The following WHRN variants were observed in gnomAD, a reference collection of about 807,000 sequenced individuals.
The protein encoded by WHRN is CASK-interacting protein CIP98.
In WHRN, 41 loss-of-function variants were observed where a neutral mutation model predicts 68.3. The observed-to-expected ratio is 0.60, with a 90% CI of 0.47 to 0.78. The LOEUF (loss-of-function observed/expected upper bound fraction) is 0.78, where lower values mean the gene tolerates loss of function less well. WHRN is among the 30% of genes least tolerant of loss of function. The probability of loss-of-function intolerance (pLI) is 0.00; values close to 1 mark genes in which losing one functional copy is unlikely to be tolerated. For synonymous variants in WHRN, 560 were observed against 561.3 expected (o/e 1.00, Z 0.03); for missense variants, 1,243 against 1,244.7 (o/e 1.00, Z 0.02).
At position 114,504,765 on chromosome 9, in the gene WHRN, A is replaced by C. The variant is rs1009736162; in HGVS notation, c.37T>G (p.Ser13Ala). Residue 13 changes from serine (S) to alanine (A), a missense_variant, in exon 1 of 12, where the codon TCC becomes GCC. Coordinates refer to ENST00000362057, the MANE Select transcript of WHRN (RefSeq NM_015404.4). ...APLDGLSVSS[S>A]STGSLGSAAG... is the part of the protein sequence containing the mutation. ...GCCGAGCCCAGCGAGCCGGTGGAGG[A>C]CGAGCTCACCGACAGGCCGTCCAGC... The C allele has an allele frequency of 2.0e-6, 3 of 1,501,300 alleles. No homozygotes were observed. Among genetic ancestry groups the C allele is most frequent in the Non-Finnish European group, 1.8e-6 (2 of 1,135,648 alleles). The allele number at this position is 1,501,300 out of a possible 1,614,324, so 93.0% of individuals were successfully genotyped here. A position where few individuals can be genotyped will look rare whatever the true frequency, so the allele number is the denominator to read the frequency against.
At chr9:114,457,148 G>A (rs1839878896) in intron 3 of WHRN, among the ~76,000 whole-genome samples, 1 of 152,068 alleles carries the variant, frequency 6.6e-6, no homozygotes, top group Admixed American at 6.5e-5. Flanking sequence ...CTGTAGGCTG[G>A]GACACCCCAA....
At position 114,478,582 on chromosome 9, in the gene WHRN, G is replaced by A; in HGVS notation, c.808C>T (p.His270Tyr). 1 of 1,614,090 alleles carries A rather than the reference G, an allele frequency of 6.2e-7. No individual in the cohort carries two copies. Among genetic ancestry groups the A allele is most frequent in the Non-Finnish European group, 8.5e-7 (1 of 1,179,956 alleles). Reference protein sequence around the residue: ...QQEGDRRSTLHLLQGGDEKKV... With the variant: ...QQEGDRRSTLYLLQGGDEKKV... ...TTCTCATCCCCTCCTTGCAGGAGGTGCAGGGTGCTCCTCCGGTCACCCTCC... is the reference window on the plus strand; with the variant it reads ...TTCTCATCCCCTCCTTGCAGGAGGTACAGGGTGCTCCTCCGGTCACCCTCC... Residue 270 changes from histidine (H) to tyrosine (Y), a missense_variant, in exon 2 of 12, where the codon CAC becomes TAC. By Grantham distance (83) the His-to-Tyr change is moderately conservative. Coordinates refer to ENST00000362057, the MANE Select transcript of WHRN (RefSeq NM_015404.4).
intron 9 of WHRN, 116 bp downstream of exon 9, chr9:114,406,239 G>C: frequency 6.9e-7 from 1 of 1,446,242 alleles, no homozygotes; most frequent in Non-Finnish European, 9.6e-7. Context: ...CGCCACTCTG[G>C]CCCTGAGCCC....
In WHRN at chr9:114,426,213, T is replaced by G. The variant is rs1181065976; in HGVS notation, c.1164A>C (p.Ala388=). 2 of 1,612,212 alleles carry G rather than the reference T, an allele frequency of 1.2e-6. No homozygotes were observed. The highest frequency in any genetic ancestry group is 1.7e-6 in the Non-Finnish European group (2 of 1,180,014). ...TGGAGCGAGCAGAGTGGCCAGACCCTGCCGAGTTCGCCATGGTCTCCCTGA... is the reference window on the plus strand; with the variant it reads ...TGGAGCGAGCAGAGTGGCCAGACCCGGCCGAGTTCGCCATGGTCTCCCTGA... ...SRIRETMANS[A]GFLGDLTTEG... The change falls in exon 4 of 12, where the codon GCA becomes GCC. Residue 388 remains alanine (A), a splice_region_variant and synonymous_variant. Coordinates refer to ENST00000362057, the MANE Select transcript of WHRN (RefSeq NM_015404.4).
chr9:114,444,038 G>A lies in WHRN; in HGVS notation c.964-17625C>T, dbSNP rs147624462. Among the ~76,000 whole-genome samples the A allele has an allele frequency of 3.6e-3, 552 of 152,232 alleles. 1 individual carries two copies. The highest frequency in any genetic ancestry group is 0.013 in the African/African-American group (529 of 41,518). On this transcript the variant is annotated intron_variant, in intron 3 of 11. Transcript: ENST00000362057. ...AGTATGGGGTTTCCCCCCACCACCC[G>A]GTTCAATTATCTCCCACTGGGTCCC...
At chr9:114,460,235 G>A (rs556229675) in intron 3 of WHRN, among the ~76,000 whole-genome samples, 84 of 152,296 alleles carry the variant, frequency 5.5e-4, no homozygotes, top group Non-Finnish European at 9.3e-4. Flanking sequence ...AGAGCAAAGC[G>A]TATGACCTTT....
At position 114,478,672 on chromosome 9, in the gene WHRN, G is replaced by A; in HGVS notation, c.718C>T (p.Gln240Ter). Residue 240 changes from glutamine (Q) to a stop codon, truncating the protein, a stop_gained, in exon 2 of 12, where the codon CAG becomes TAG. Coordinates refer to ENST00000362057, the MANE Select transcript of WHRN (RefSeq NM_015404.4). LOFTEE classifies it high-confidence loss of function. Reference sequence around the variant, plus strand: ...GAGGGTGGGGAGATGCTGCGGCCCTGCGGGTCCACCCAGGTGTAGATGTGG... The same window carrying A: ...GAGGGTGGGGAGATGCTGCGGCCCTACGGGTCCACCCAGGTGTAGATGTGG... ...TNHIYTWVDP[Q>*]GRSISPPSGL... The A allele has an allele frequency of 2.5e-6, 4 of 1,613,292 alleles. No homozygotes were observed. Among genetic ancestry groups the A allele is most frequent in the Non-Finnish European group, 3.4e-6 (4 of 1,179,980 alleles).
intron 3 of WHRN, among the ~76,000 whole-genome samples, chr9:114,433,045 C>T (rs904649927): frequency 2.6e-5 from 4 of 152,168 alleles, no homozygotes; most frequent in African/African-American, 7.2e-5. Flanking sequence ...AAGCCGAGGA[C>T]GGGAAGTAGA....
At position 114,406,454 on chromosome 9, in the gene WHRN, C is replaced by G. The variant is rs1835033682; in HGVS notation, c.2137G>C (p.Asp713His). Residue 713 changes from aspartate to histidine, a missense_variant, in exon 9 of 12, where the codon GAC becomes CAC. Asp to His is a moderately conservative substitution (Grantham distance 81, BLOSUM62 -1). Coordinates refer to ENST00000362057, the MANE Select transcript of WHRN (RefSeq NM_015404.4). ...LLPPSPSGHP[D>H]QTGTNQHFVM... is the part of the protein sequence containing the mutation. ...AAGTGCTGGTTTGTGCCTGTCTGGT[C>G]TGGGTGGCCAGAGGGTGATGGGGGC... The G allele has an allele frequency of 6.2e-7, 1 of 1,614,054 alleles. No individual in the cohort carries two copies. Among genetic ancestry groups the G allele is most frequent in the African/African-American group, 1.3e-5 (1 of 74,942 alleles).
chr9:114,486,941 T>TG lies in WHRN; in HGVS notation c.619-8171_619-8170insC, dbSNP rs1564217466. Among the ~76,000 whole-genome samples the TG allele has an allele frequency of 3.9e-3, 21 of 5,426 alleles. 2 individuals are homozygous for TG. Among genetic ancestry groups the TG allele is most frequent in the East Asian group, 0.028 (1 of 36 alleles). 3.6% of individuals were successfully genotyped at this position (5,426 alleles called of 152,430 possible). On this transcript the variant is annotated intron_variant, in intron 1 of 11. Transcript: ENST00000362057. ...TGTGTGTGTAGAGTGTGTGTGTGTG[T>TG]TGTGTGTGTGTGTGTGTGTATATAT...
chr9:114,433,556 A>G (rs1016990319), intron 3 of WHRN, among the ~76,000 whole-genome samples: 4 of 152,244 alleles, frequency 2.6e-5, no homozygotes, highest in Admixed American at 6.5e-5. Context: ...TGAATCTTTA[A>G]TAGTTTTCCA....
intron 1 of WHRN, among the ~76,000 whole-genome samples, chr9:114,494,538 A>C (rs1280243397): frequency 6.6e-6 from 1 of 152,226 alleles, no homozygotes; most frequent in African/African-American, 2.4e-5. Context: ...AAAGTGGCAG[A>C]GCCAGTCTTG....
intron 7 of WHRN, among the ~76,000 whole-genome samples, chr9:114,409,248 G>A (rs1475979598): frequency 6.6e-6 from 1 of 152,206 alleles, no homozygotes; most frequent in Non-Finnish European, 1.5e-5. Context: ...CACAGAGGTG[G>A]GACACCAACC....
chr9:114,489,520 A>ACACACACACGCACACACACGCGTG (rs1842811964), intron 1 of WHRN, among the ~76,000 whole-genome samples: 1 of 7,146 alleles, frequency 1.4e-4, no homozygotes, highest in Admixed American at 0.014. Context: ...ACGCGTGCAC[A>ACACACACACGCACACACACGCGTG]CACACACACA....
At chr9:114,470,921 G>A (rs141996549) in intron 2 of WHRN, among the ~76,000 whole-genome samples, 9 of 150,218 alleles carry the variant, frequency 6.0e-5, no homozygotes, top group East Asian at 2.0e-4. Context: ...CCAGGAACAC[G>A]CAGATGGCAG....
rs1838891229 is a variant in WHRN at position 114,447,123 on chromosome 9, G to A, written c.963+19144C>T. ...TGTGTTTTCTGGCTCATGTTTACAT[G>A]TCAGGCACATAGAGAGGCTCAGCAA... On this transcript the variant is annotated intron_variant, in intron 3 of 11. Coordinates refer to ENST00000362057, the MANE Select transcript of WHRN (RefSeq NM_015404.4). 2.0e-5 allele frequency among the ~76,000 whole-genome samples: 3 copies of A among 152,136 alleles called. No individual in the cohort carries two copies. In the South Asian group the frequency reaches 6.2e-4, roughly 31 times the overall value.
intron 3 of WHRN, among the ~76,000 whole-genome samples, chr9:114,430,515 C>T (rs1233180721): frequency 2.6e-5 from 4 of 152,084 alleles, no homozygotes; most frequent in Non-Finnish European, 4.4e-5. Flanking sequence ...GTTGTGGCTT[C>T]CAAACCTAGG....
In WHRN at chr9:114,406,699, G is replaced by A. The variant is rs141168514; in HGVS notation, c.1892C>T (p.Ala631Val). The A allele has an allele frequency of 7.3e-5, 118 of 1,614,044 alleles. No homozygotes were observed. The East Asian group carries it at 2.2e-3, about 30-fold the overall frequency. Reference protein sequence around the residue: ...FSAPQNRSPPAGTAPTPGTSS... With the variant: ...FSAPQNRSPPVGTAPTPGTSS... ...GGTCCCTGGGGTGGGTGCGGTGCCC[G>A]CTGGCGGGCTGCGGTTCTGTGGAGC... Residue 631 changes from alanine to valine, a missense_variant, in exon 9 of 12, where the codon GCG becomes GTG. Physicochemically the swap from Ala to Val is moderately conservative, Grantham distance 64. Transcript: ENST00000362057.
At chr9:114,430,141 C>T (rs753437186) in intron 3 of WHRN, among the ~76,000 whole-genome samples, 9 of 152,166 alleles carry the variant, frequency 5.9e-5, no homozygotes, top group Admixed American at 3.3e-4. Context: ...AGACCAGCTA[C>T]GGAAGGGCAT....
Sources: gnomAD v4.1 joint callset for allele counts (sites outside exome capture counted in the v4.1 genomes callset) on GRCh38, gnomAD v4.1.1 for gene constraint, MANE v1.5 for transcripts, NCBI Gene and HGNC (gene_info 2026-07-23, HGNC 2026-07-21) for gene names.